The following FSTL4 variants were observed in gnomAD, a reference collection of about 807,000 sequenced individuals.
FSTL4 encodes the protein follistatin-related protein 4.
Under a neutral mutation model 78.2 loss-of-function variants are expected in FSTL4, and 28 were observed. The ratio of observed to expected loss-of-function variants is 0.36; its 90% CI spans 0.27 to 0.49. FSTL4 has a LOEUF of 0.49. Among genes scored for constraint, FSTL4 ranks in the 20% least tolerant of loss-of-function variants. FSTL4 has a pLI of 0.98. For synonymous variants in FSTL4, 422 were observed against 440.5 expected, an observed-to-expected ratio of 0.96 and a Z score of 0.53; for missense variants, 922 against 1,084.9, an observed-to-expected ratio of 0.85 and a Z score of 2.11.
At chr5:133,782,547 G>A in the FSTL4 span, among the ~76,000 whole-genome samples, 1 of 152,218 alleles carries the variant, frequency 6.6e-6, no homozygotes, top group Non-Finnish European at 1.5e-5. Flanking sequence ...CCAGGCCAAT[G>A]AGAGTGCTTC....
At chr5:133,260,765 G>A (rs1581577210) in intron 6 of FSTL4, among the ~76,000 whole-genome samples, 2 of 152,320 alleles carry the variant, frequency 1.3e-5, no homozygotes, top group East Asian at 3.9e-4. Flanking sequence ...GAGCTCAGCT[G>A]AGCCCAATTG....
At chr5:133,243,293 A>T (rs1380428321) in intron 7 of FSTL4, among the ~76,000 whole-genome samples, 1 of 152,230 alleles carries the variant, frequency 6.6e-6, no homozygotes, top group Non-Finnish European at 1.5e-5. Context: ...AAATATACTG[A>T]GTTTGTTGTA....
intron 6 of FSTL4, among the ~76,000 whole-genome samples, chr5:133,311,851 G>A (rs977640210): frequency 2.6e-5 from 4 of 152,170 alleles, no homozygotes; most frequent in Non-Finnish European, 5.9e-5. Context: ...ATCTTCTAAT[G>A]TAAGGGGCTT....
intron 3 of FSTL4, among the ~76,000 whole-genome samples, chr5:133,525,899 T>C (rs1185531144): frequency 1.3e-5 from 2 of 152,182 alleles, no homozygotes. Flanking sequence ...TTCTCCTAGC[T>C]CTTTATGCCT....
the FSTL4 span, among the ~76,000 whole-genome samples, chr5:133,636,219 G>T: frequency 5.9e-5 from 9 of 152,190 alleles, no homozygotes; most frequent in Non-Finnish European, 1.0e-4. Context: ...ACAGAAGCCT[G>T]ATATTCACTG....
At chr5:133,281,711 T>G (rs374775714) in intron 6 of FSTL4, among the ~76,000 whole-genome samples, 59 of 152,262 alleles carry the variant, frequency 3.9e-4, no homozygotes, top group African/African-American at 1.3e-3. Flanking sequence ...GGGTCTGCAC[T>G]GGCAAGGCCC....
intron 4 of FSTL4, among the ~76,000 whole-genome samples, chr5:133,375,291 C>CATATATATATGTATGTGT (rs67110507): frequency 1.0e-4 from 6 of 57,918 alleles, no homozygotes; most frequent in African/African-American, 2.6e-4. Flanking sequence ...GTGTGCATGG[C>CATATATATATGTATGTGT]ATATATATAT....
chr5:133,202,301 C>A (rs906589211), intron 14 of FSTL4: 1 of 263,600 alleles, frequency 3.8e-6, no homozygotes, highest in Non-Finnish European at 7.2e-6. Context: ...CATGGTTAAG[C>A]CTGCCTTGCT....
chr5:133,750,612 C>T, the FSTL4 span, among the ~76,000 whole-genome samples: 1 of 152,100 alleles, frequency 6.6e-6, no homozygotes, highest in Non-Finnish European at 1.5e-5. Flanking sequence ...GAAAACAAGT[C>T]CCTAGAGTGG....
the FSTL4 span, among the ~76,000 whole-genome samples, chr5:133,818,518 C>T: frequency 1.3e-5 from 2 of 152,188 alleles, no homozygotes; most frequent in Non-Finnish European, 2.9e-5. Flanking sequence ...CCTCCATTAA[C>T]TTTACTACTT....
chr5:133,378,679 TAA>T (rs200409108), intron 4 of FSTL4, among the ~76,000 whole-genome samples: 1,632 of 152,206 alleles, frequency 0.011, 11 homozygotes, highest in Non-Finnish European at 0.015. Flanking sequence ...TCACAGAAAT[TAA>T]AAGTTTTAGT....
chr5:133,827,160 GCTGC>G, the FSTL4 span, among the ~76,000 whole-genome samples: 1 of 152,212 alleles, frequency 6.6e-6, no homozygotes, highest in East Asian at 1.9e-4. Flanking sequence ...CTGGGACCTG[GCTGC>G]CTGCCTGCTT....
At chr5:133,306,795 T>C (rs1353649728) in intron 6 of FSTL4, among the ~76,000 whole-genome samples, 1 of 152,138 alleles carries the variant, frequency 6.6e-6, no homozygotes, top group African/African-American at 2.4e-5. Flanking sequence ...CCATACCCCA[T>C]GCTGAGCAGG....
chr5:133,808,550 T>A, the FSTL4 span, among the ~76,000 whole-genome samples: 1 of 152,240 alleles, frequency 6.6e-6, no homozygotes, highest in Non-Finnish European at 1.5e-5. Context: ...GGGACTTCAG[T>A]GTGAACTTCG....
At chr5:133,770,630 A>G in the FSTL4 span, among the ~76,000 whole-genome samples, 1 of 152,148 alleles carries the variant, frequency 6.6e-6, no homozygotes, top group Admixed American at 6.6e-5. Flanking sequence ...CCTTTGTAAG[A>G]TGCATAGTGT....
intron 2 of FSTL4, chr5:133,583,169 ATT>A: frequency 2.3e-6 from 1 of 439,582 alleles, no homozygotes; most frequent in Non-Finnish European, 4.6e-6. Flanking sequence ...ACACCAGCAC[ATT>A]CCCACTGGGT....
intron 6 of FSTL4, among the ~76,000 whole-genome samples, chr5:133,259,518 C>CTTTTTT (rs3976227): frequency 7.9e-6 from 1 of 126,396 alleles, no homozygotes; most frequent in African/African-American, 3.1e-5. Context: ...ATTTTTTTTT[C>CTTTTTT]TTTTTTTTTT....
chr5:133,725,159 A>T, the FSTL4 span, among the ~76,000 whole-genome samples: 1 of 152,134 alleles, frequency 6.6e-6, no homozygotes. Flanking sequence ...GCCCTCCAAC[A>T]CTGTTCTTCT....
chr5:133,302,561 C>G (rs1413778686), intron 6 of FSTL4, among the ~76,000 whole-genome samples: 1 of 152,170 alleles, frequency 6.6e-6, no homozygotes, highest in Non-Finnish European at 1.5e-5. Context: ...ATAAAGGGTG[C>G]TAGGGTGGCT....
Sources: allele counts gnomAD v4.1 joint callset (sites outside exome capture counted in the v4.1 genomes callset), GRCh38; gene constraint gnomAD v4.1.1; transcripts MANE v1.5; gene names NCBI Gene and HGNC (gene_info 2026-07-23, HGNC 2026-07-21).